GREM2: variants seen among roughly 807,000 people sequenced by gnomAD.
GREM2 encodes gremlin-2.
GREM2 carries 11 observed loss-of-function variants against 14.2 expected under a neutral mutation model. That is an observed-to-expected ratio of 0.78 (90% CI 0.49 to 1.28). The LOEUF is 1.28. GREM2 is among the 50% of genes most tolerant of loss of function. The pLI is 0.00. For synonymous variants in GREM2, 98 were observed against 97.6 expected, an observed-to-expected ratio of 1.00 and a Z score of -0.02; for missense variants, 210 against 218.5, an observed-to-expected ratio of 0.96 and a Z score of 0.24.
intron 1 of GREM2, among the ~76,000 whole-genome samples, chr1:240,520,082 A>AAAAATAAAATAAAATAAAT (rs1553273672): frequency 4.2e-5 from 6 of 144,246 alleles, no homozygotes; most frequent in African/African-American, 1.6e-4. Flanking sequence ...CTCCATCCCA[A>AAAAATAAAATAAAATAAAT]AAAATAAAAT....
At chr1:240,533,903 T>A (rs1481345786) in intron 1 of GREM2, among the ~76,000 whole-genome samples, 1 of 152,206 alleles carries the variant, frequency 6.6e-6, no homozygotes, top group Non-Finnish European at 1.5e-5. Context: ...ATTTTTGAGT[T>A]GCCTGTGACG....
In GREM2 at chr1:240,540,082, G is replaced by C. The variant is rs1041855109; in HGVS notation, c.-1-46606C>G. Among the ~76,000 whole-genome samples the C allele has an allele frequency of 2.0e-5, 3 of 152,214 alleles. No homozygotes were observed. In the East Asian group the frequency reaches 5.8e-4, roughly 29 times the overall value. On this transcript the variant is annotated intron_variant, in intron 1 of 1. Coordinates refer to ENST00000318160, the MANE Select transcript of GREM2 (RefSeq NM_022469.4). The surrounding 1 kb of genome is among the most constrained non-coding windows in gnomAD (Gnocchi z 4.2). ...GCTTGGCATAGCTGACAGCCACTCTGTTCCTATACCCCTGACTAAATTGCA... is the reference window on the plus strand; with the variant it reads ...GCTTGGCATAGCTGACAGCCACTCTCTTCCTATACCCCTGACTAAATTGCA...
At chr1:240,550,829 G>A (rs1339248314) in intron 1 of GREM2, among the ~76,000 whole-genome samples, 2 of 152,218 alleles carry the variant, frequency 1.3e-5, no homozygotes, top group Non-Finnish European at 1.5e-5. Context: ...AGCAAATATT[G>A]TGCTGACATA....
At chr1:240,537,490 G>C (rs1433714806) in intron 1 of GREM2, among the ~76,000 whole-genome samples, 1 of 152,050 alleles carries the variant, frequency 6.6e-6, no homozygotes, top group African/African-American at 2.4e-5. Flanking sequence ...GATGCCTAAA[G>C]AAACAACAAA....
At chr1:240,600,220 A>AATG (rs1019842974) in intron 1 of GREM2, among the ~76,000 whole-genome samples, 1 of 84,062 alleles carries the variant, frequency 1.2e-5, no homozygotes, top group Non-Finnish European at 2.3e-5. Flanking sequence ...TTATGTGTAA[A>AATG]ACGAGATTAC....
rs917509154 is a variant in GREM2, at chr1:240,543,535, C to T, written c.-1-50059G>A. Among the ~76,000 whole-genome samples the T allele has an allele frequency of 6.6e-6, 1 of 152,142 alleles. No homozygotes were observed. The highest frequency in any genetic ancestry group is 1.5e-5 in the Non-Finnish European group (1 of 68,038). On this transcript the variant is annotated intron_variant, in intron 1 of 1. Coordinates refer to ENST00000318160, the MANE Select transcript of GREM2 (RefSeq NM_022469.4). The surrounding 1 kb of genome is among the most constrained non-coding windows in gnomAD (Gnocchi z 6.4). ...TTGTGATTCAATTATTTCCACCTGGCCTTGCCCATGAAACATGGGGATTAT... is the reference window on the plus strand; with the variant it reads ...TTGTGATTCAATTATTTCCACCTGGTCTTGCCCATGAAACATGGGGATTAT...
intron 1 of GREM2, among the ~76,000 whole-genome samples, chr1:240,603,015 G>A (rs1274064330): frequency 2.0e-5 from 3 of 152,122 alleles, no homozygotes; most frequent in African/African-American, 7.2e-5. Flanking sequence ...GGAGCTTGCA[G>A]TGAGCTGAGA....
At chr1:240,541,583 G>A (rs1678589398) in intron 1 of GREM2, among the ~76,000 whole-genome samples, 1 of 151,778 alleles carries the variant, frequency 6.6e-6, no homozygotes, top group Admixed American at 6.6e-5. Flanking sequence ...TCCCTTGATG[G>A]ATCAACTTTT....
chr1:240,593,917 TC>T (rs1679764053), intron 1 of GREM2, among the ~76,000 whole-genome samples: 1 of 151,952 alleles, frequency 6.6e-6, no homozygotes, highest in African/African-American at 2.4e-5. Flanking sequence ...TGAAAAGTAG[TC>T]CAGTTTGGGT....
rs751019745 is a variant in GREM2, at chr1:240,493,437, C to T, written c.39G>A (p.Ala13=). 64 of 1,611,070 alleles carry T rather than the reference C, an allele frequency of 4.0e-5. 1 individual carries two copies. Among genetic ancestry groups the T allele is most frequent in the South Asian group, 3.0e-4 (27 of 90,666 alleles). ...WKLSLSLFLV[A]VLVKVAEARK... is the part of the protein sequence containing the mutation. ...GGGCTTCCGCCACCTTCACCAGCAC[C>T]GCCACCAGGAACAAGGACAGGGAAA... Residue 13 remains alanine (A), a synonymous_variant, in exon 2 of 2, where the codon GCG becomes GCA. Transcript: ENST00000318160.
chr1:240,576,483 T>C (rs751737665), intron 1 of GREM2, among the ~76,000 whole-genome samples: 16 of 152,198 alleles, frequency 1.1e-4, no homozygotes, highest in Non-Finnish European at 2.1e-4. Flanking sequence ...CCCTTGAGAA[T>C]CATAGCTTTG....
rs1312250809 is a variant in GREM2 at position 240,492,253 on chromosome 1, TA to T, written c.*715del. ...CCAGAGTTCATCTTTAGTCCACAAA[TA>T]GGGGGCGGGGACAGTGAGGAAGAAG... is the stretch of plus-strand genomic sequence containing the variant. On this transcript the variant is annotated 3_prime_UTR_variant, in exon 2 of 2. Transcript: ENST00000318160. 23 of 451,732 alleles carry T rather than the reference TA, an allele frequency of 5.1e-5. No homozygotes were observed. Among genetic ancestry groups the T allele is most frequent in the African/African-American group, 4.6e-4 (23 of 49,948 alleles). 28.0% of individuals were successfully genotyped at this position (451,732 alleles called of 1,614,324 possible).
At chr1:240,557,180 A>C (rs553197543) in intron 1 of GREM2, among the ~76,000 whole-genome samples, 6 of 151,804 alleles carry the variant, frequency 4.0e-5, no homozygotes, top group Admixed American at 1.3e-4. Context: ...TAAAAAAAAA[A>C]CATAAAATAA....
intron 1 of GREM2, among the ~76,000 whole-genome samples, chr1:240,500,655 G>C (rs992136619): frequency 4.6e-5 from 7 of 152,096 alleles, no homozygotes; most frequent in African/African-American, 1.7e-4. Context: ...TTTTCCCCAA[G>C]AGATATGTGT....
chr1:240,506,973 G>A (rs1677687606), intron 1 of GREM2, among the ~76,000 whole-genome samples: 1 of 152,204 alleles, frequency 6.6e-6, no homozygotes. Flanking sequence ...CAATGAAGAA[G>A]GGGGACATCT....
Position 240,540,850 on chromosome 1 carries a change from C to T in GREM2, c.-1-47374G>A, listed in dbSNP as rs1387771467. Among the ~76,000 whole-genome samples the T allele has an allele frequency of 6.6e-6, 1 of 152,116 alleles. No homozygotes were observed. The highest frequency in any genetic ancestry group is 1.5e-5 in the Non-Finnish European group (1 of 68,024). On this transcript the variant is annotated intron_variant, in intron 1 of 1. Transcript: ENST00000318160. The surrounding 1 kb of genome is among the most constrained non-coding windows in gnomAD (Gnocchi z 4.2). ...TGCTGGGATTACAGGTGTGAGCCAC[C>T]ACGCCAGGCCGCATAATACTTCTTA...
intron 1 of GREM2, among the ~76,000 whole-genome samples, chr1:240,564,012 C>A (rs1247459281): frequency 1.3e-5 from 2 of 152,070 alleles, no homozygotes. Context: ...GAGTTCAAGG[C>A]CAGCCTGGGC....
At chr1:240,609,799 A>C (rs1175663821) in intron 1 of GREM2, among the ~76,000 whole-genome samples, 1 of 152,176 alleles carries the variant, frequency 6.6e-6, no homozygotes, top group Non-Finnish European at 1.5e-5. Context: ...ATAAGAACTG[A>C]GAGTCTAATA....
At chr1:240,507,576 G>A (rs12142177) in intron 1 of GREM2, among the ~76,000 whole-genome samples, 35,741 of 151,812 alleles carry the variant, frequency 0.24, 4,462 homozygotes, top group Non-Finnish European at 0.27. Flanking sequence ...CAAGTGATAC[G>A]CCCACCTTGG....
Sources: gnomAD v4.1 joint callset for allele counts (sites outside exome capture counted in the v4.1 genomes callset) on GRCh38, gnomAD v4.1.1 for gene constraint, Gnocchi (gnomAD v3.1) non-coding constraint, MANE v1.5 for transcripts, NCBI Gene and HGNC (gene_info 2026-07-23, HGNC 2026-07-21) for gene names.